The following CLEC4C variants were observed in gnomAD, a reference collection of about 807,000 sequenced individuals.
CLEC4C encodes C-type (calcium dependent, carbohydrate-recognition domain) lectin, superfamily member 11.
In CLEC4C, 17 loss-of-function variants were observed where a neutral mutation model predicts 27.7. The ratio of observed to expected loss-of-function variants is 0.61; its 90% CI spans 0.42 to 0.92. The LOEUF is 0.92. CLEC4C is among the 40% of genes least tolerant of loss of function. The probability of loss-of-function intolerance (pLI) is 0.00; values close to 1 mark genes in which losing one functional copy is unlikely to be tolerated. For synonymous variants in CLEC4C, 80 were observed against 80.8 expected (o/e 0.99, Z 0.06); for missense variants, 244 against 257.3 (o/e 0.95, Z 0.35).
chr12:7,729,823 A>T, intron 5 of CLEC4C, 83 bp from the exon 6 acceptor site: 3 of 1,289,242 alleles, frequency 2.3e-6, no homozygotes, highest in Non-Finnish European at 3.3e-6. Flanking sequence ...AGGGTTAAAC[A>T]GTGCGAAAGT....
At chr12:7,737,673 T>G in intron 3 of CLEC4C, 99 bp from the exon 4 acceptor site, 1 of 1,155,468 alleles carries the variant, frequency 8.7e-7, no homozygotes, top group Non-Finnish European at 1.2e-6. Flanking sequence ...AGTTTTCACC[T>G]ATGGATCTCC....
chr12:7,736,479 TATC>T (rs1353774243), intron 4 of CLEC4C, among the ~76,000 whole-genome samples: 2 of 152,220 alleles, frequency 1.3e-5, no homozygotes, highest in African/African-American at 4.8e-5. Flanking sequence ...CAAATATTAA[TATC>T]ATTTTTCCAT....
chr12:7,732,699 A>T (rs977122553), intron 4 of CLEC4C, among the ~76,000 whole-genome samples: 7 of 151,488 alleles, frequency 4.6e-5, no homozygotes, highest in African/African-American at 1.7e-4. Context: ...GTGGTGGTTC[A>T]CGCCTATAAT....
At chr12:7,730,079 CAG>C (rs1453951887) in intron 5 of CLEC4C, among the ~76,000 whole-genome samples, 1 of 152,144 alleles carries the variant, frequency 6.6e-6, no homozygotes, top group Admixed American at 6.6e-5. Flanking sequence ...TTCCAACTCA[CAG>C]AGTTAAATGA....
intron 4 of CLEC4C, among the ~76,000 whole-genome samples, chr12:7,735,960 T>C (rs780632420): frequency 6.6e-6 from 1 of 151,964 alleles, no homozygotes; most frequent in African/African-American, 2.4e-5. Context: ...ATGGCTTTAA[T>C]AGCAGGATAG....
rs1024245469 is a variant in CLEC4C, at chr12:7,734,150, G to A, written c.382-3238C>T. Among the ~76,000 whole-genome samples the A allele has an allele frequency of 2.6e-5, 4 of 152,144 alleles. No homozygotes were observed. The South Asian group carries it at 6.2e-4, about 24-fold the overall frequency. ...TGAACATATACGAGACATTGTTAGT[G>A]GTTTGTGTGCTTCCCTCCCTCTCCG... On this transcript the variant is annotated intron_variant, in intron 4 of 5. Transcript: ENST00000360345.
chr12:7,746,484 C>A, intron 1 of CLEC4C, 61 bp from the exon 2 acceptor site: 2 of 1,050,716 alleles, frequency 1.9e-6, no homozygotes, highest in South Asian at 2.7e-5. Flanking sequence ...GCCAGGAAAC[C>A]AGAGTCCCAA....
At chr12:7,748,978 G>A (rs1865045179), upstream of CLEC4C, 1 of 152,230 alleles carries the variant, frequency 6.6e-6, no homozygotes, top group Non-Finnish European at 1.5e-5. Flanking sequence ...ATAAGAATTG[G>A]TAGATGGTTT....
Position 7,730,922 on chromosome 12 carries a change from G to C in CLEC4C, c.382-10C>G. The C allele has an allele frequency of 7.2e-7, 1 of 1,387,662 alleles. No individual in the cohort carries two copies. Among genetic ancestry groups the C allele is most frequent in the Non-Finnish European group, 1.0e-6 (1 of 974,328 alleles). The allele number at this position is 1,387,662 out of a possible 1,614,324, so 86.0% of individuals were successfully genotyped here. Reference sequence around the variant, plus strand: ...TCTGAATGATGAAATCCTGAGGGAAGAAAATGGAAGAGTCATAGCTGATAG... The same window carrying C: ...TCTGAATGATGAAATCCTGAGGGAACAAAATGGAAGAGTCATAGCTGATAG... On this transcript the variant is annotated splice_polypyrimidine_tract_variant and intron_variant, in intron 4 of 5. Coordinates refer to ENST00000360345, the MANE Select transcript of CLEC4C (RefSeq NM_001371390.1).
Position 7,736,904 on chromosome 12 carries a change from A to G in CLEC4C, c.381+525T>C, listed in dbSNP as rs138329037. On this transcript the variant is annotated intron_variant, in intron 4 of 5. Coordinates refer to ENST00000360345, the MANE Select transcript of CLEC4C (RefSeq NM_001371390.1). ...GGCAACAGAGCAAGACTCCGTCTCA[A>G]AATAAATAAATAAATAAATAAAAAT... Among the ~76,000 whole-genome samples, 207 of 151,852 alleles carry G rather than the reference A, an allele frequency of 1.4e-3. 6 individuals carry two copies. The East Asian group carries it at 0.037, about 27-fold the overall frequency.
chr12:7,730,716 T>C, intron 5 of CLEC4C, 81 bp downstream of exon 5: 1 of 713,414 alleles, frequency 1.4e-6, no homozygotes, highest in Non-Finnish European at 2.5e-6. Context: ...GTTTTATTGT[T>C]TGTTTGCTTA....
At chr12:7,746,143 A>C (rs1592100358) in intron 2 of CLEC4C, among the ~76,000 whole-genome samples, 188 bp downstream of exon 2, 1 of 145,636 alleles carries the variant, frequency 6.9e-6, no homozygotes, top group African/African-American at 2.6e-5. Context: ...TGAACCCGGG[A>C]GGTGAGCTTG....
chr12:7,738,444 T>A (rs183218733), intron 3 of CLEC4C, among the ~76,000 whole-genome samples: 2 of 152,290 alleles, frequency 1.3e-5, no homozygotes, highest in African/African-American at 4.8e-5. Flanking sequence ...ACAGTGACAA[T>A]GTAGACCATA....
intron 2 of CLEC4C, 138 bp downstream of exon 2, chr12:7,746,193 G>A (rs61938703): frequency 0.027 from 15,266 of 570,914 alleles, 299 homozygotes; most frequent in Non-Finnish European, 0.034. Flanking sequence ...CATCCTGGGC[G>A]ACAGAGCGAG....
intron 2 of CLEC4C, among the ~76,000 whole-genome samples, chr12:7,743,481 T>C (rs941784752): frequency 6.6e-6 from 1 of 151,588 alleles, no homozygotes; most frequent in Non-Finnish European, 1.5e-5. Flanking sequence ...GCCTCCTGGG[T>C]TCATGCCATT....
intron 2 of CLEC4C, among the ~76,000 whole-genome samples, chr12:7,742,204 T>A (rs1199597186): frequency 6.7e-6 from 1 of 149,658 alleles, no homozygotes; most frequent in Admixed American, 6.8e-5. Flanking sequence ...AATAAATAAA[T>A]AAAAATAAAG....
At chr12:7,739,904 A>G (rs1447623367) in intron 3 of CLEC4C, among the ~76,000 whole-genome samples, 2 of 149,204 alleles carry the variant, frequency 1.3e-5, no homozygotes, top group African/African-American at 2.5e-5. Context: ...GGACAATCTC[A>G]GCTCACCACA....
rs765215684 is a variant in CLEC4C, at chr12:7,730,797, G to C, written c.497C>G (p.Thr166Arg). The change falls in exon 5 of 6, where the codon ACA becomes AGA. Residue 166 changes from threonine to arginine, a missense_variant and splice_region_variant. By Grantham distance (71) the Thr-to-Arg change is moderately conservative. Transcript: ENST00000360345. The part of the protein sequence containing the change: ...VDQTPYNENV[T>R]FWHSGEPNNL... ...GTCCTTTACCTCATTCTATACTCAC[G>C]TGACATTTTCATTGTATGGTGTCTG... is the stretch of plus-strand genomic sequence containing the variant. The C allele has an allele frequency of 1.9e-6, 3 of 1,540,232 alleles. No homozygotes were observed. Among genetic ancestry groups the C allele is most frequent in the African/African-American group, 2.7e-5 (2 of 73,518 alleles).
At chr12:7,747,592 A>G, upstream of CLEC4C, 1 of 431,278 alleles carries the variant, frequency 2.3e-6, no homozygotes, top group Non-Finnish European at 4.2e-6. Context: ...GGAAATCGAG[A>G]AATACATGAA....
Sources: gnomAD v4.1 joint callset for allele counts (sites outside exome capture counted in the v4.1 genomes callset) on GRCh38, gnomAD v4.1.1 for gene constraint, MANE v1.5 for transcripts, NCBI Gene and HGNC (gene_info 2026-07-23, HGNC 2026-07-21) for gene names.